RERE: variants seen among roughly 807,000 people sequenced by gnomAD.
RERE encodes the protein arginine-glutamic acid dipeptide repeats.
In RERE, 40 loss-of-function variants were observed where a neutral mutation model predicts 146.1. That is an observed-to-expected ratio of 0.27 (90% CI 0.21 to 0.36). The LOEUF (loss-of-function observed/expected upper bound fraction) is 0.36, where lower values mean the gene tolerates loss of function less well. Among genes scored for constraint, RERE ranks in the 10% least tolerant of loss-of-function variants. The probability of loss-of-function intolerance (pLI) is 1.00; values close to 1 mark genes in which losing one functional copy is unlikely to be tolerated. For missense variants in RERE, 1,933 were observed against 2,138.7 expected (o/e 0.90, Z 1.90); for synonymous variants, 1,003 against 866.0 (o/e 1.16, Z -2.78).
At chr1:8,722,090 G>C (rs1359902156) in intron 1 of RERE, among the ~76,000 whole-genome samples, 1 of 152,124 alleles carries the variant, frequency 6.6e-6, no homozygotes, top group Non-Finnish European at 1.5e-5. Context: ...GCACTCATTG[G>C]AATGCTTACA....
At chr1:8,676,435 G>C (rs2124384915) in intron 1 of RERE, among the ~76,000 whole-genome samples, 1 of 151,858 alleles carries the variant, frequency 6.6e-6, no homozygotes, top group South Asian at 2.1e-4. Context: ...TAAATGGCAA[G>C]CTGAAGGACT....
intron 1 of RERE, among the ~76,000 whole-genome samples, chr1:8,722,281 A>C (rs1247407326): frequency 2.0e-5 from 3 of 152,174 alleles, no homozygotes; most frequent in African/African-American, 7.2e-5. Context: ...TTGGCTATCA[A>C]ACCAATGTTT....
chr1:8,715,370 G>A (rs565097596), intron 1 of RERE, among the ~76,000 whole-genome samples: 2 of 151,798 alleles, frequency 1.3e-5, no homozygotes, highest in Admixed American at 6.6e-5. Flanking sequence ...AATTAGCCAG[G>A]CGTGGTGGCA....
chr1:8,800,914 G>A (rs777685378), intron 1 of RERE, among the ~76,000 whole-genome samples: 5 of 152,028 alleles, frequency 3.3e-5, no homozygotes, highest in Admixed American at 6.6e-5. Flanking sequence ...GCAGTGAGCC[G>A]AGATTGCGCC....
rs772637354 is a variant in RERE, at chr1:8,361,326, C to T, written c.2181G>A (p.Ser727=). Reference sequence around the variant, plus strand: ...CCTGCAGCATCTGCTGCTGGGCTGACGAGTCCGAGTCACTCTCATTGTCCT... The same window carrying T: ...CCTGCAGCATCTGCTGCTGGGCTGATGAGTCCGAGTCACTCTCATTGTCCT... The part of the protein sequence containing the change: ...SPQDNESDSD[S]SAQQQMLQAQ... The change falls in exon 18 of 23, where the codon TCG becomes TCA. Residue 727 remains serine (S), a synonymous_variant. Coordinates refer to ENST00000400908, the MANE Select transcript of RERE (RefSeq NM_001042681.2). 3.3e-5 allele frequency: 54 copies of T among 1,612,218 alleles called. No homozygotes were observed. In the Admixed American group the frequency reaches 3.7e-4, roughly 11 times the overall value.
chr1:8,416,429 A>G (rs1643766696), intron 12 of RERE, among the ~76,000 whole-genome samples: 1 of 152,014 alleles, frequency 6.6e-6, no homozygotes, highest in Admixed American at 6.6e-5. Flanking sequence ...TACTAAAAAC[A>G]CAAAAAATTA....
At chr1:8,573,460 T>A (rs1646248852) in intron 4 of RERE, among the ~76,000 whole-genome samples, 2 of 152,232 alleles carry the variant, frequency 1.3e-5, no homozygotes, top group African/African-American at 4.8e-5. Flanking sequence ...ACTTACATGA[T>A]CCATCCACGC....
At chr1:8,584,308 T>C (rs749116093) in intron 4 of RERE, among the ~76,000 whole-genome samples, 5 of 152,082 alleles carry the variant, frequency 3.3e-5, no homozygotes, top group Non-Finnish European at 7.4e-5. Context: ...GTAATCCCAA[T>C]GCTTTGGGAG....
intron 11 of RERE, among the ~76,000 whole-genome samples, chr1:8,448,756 G>C (rs1644355133): frequency 6.6e-6 from 1 of 152,016 alleles, no homozygotes; most frequent in Non-Finnish European, 1.5e-5. Context: ...TTGAACCCGG[G>C]AGGCGCAGGT....
chr1:8,722,580 A>T (rs148188444), intron 1 of RERE, among the ~76,000 whole-genome samples: 6 of 152,314 alleles, frequency 3.9e-5, no homozygotes, highest in African/African-American at 7.2e-5. Context: ...GTTTCAACCA[A>T]CCACGGACTG....
chr1:8,492,621 C>G (rs1343206860), intron 10 of RERE, among the ~76,000 whole-genome samples: 1 of 152,052 alleles, frequency 6.6e-6, no homozygotes, highest in Non-Finnish European at 1.5e-5. Context: ...AAAAAAAGGC[C>G]AGGTGCAGTG....
intron 4 of RERE, among the ~76,000 whole-genome samples, chr1:8,612,337 A>G (rs1646802552): frequency 6.6e-6 from 1 of 152,170 alleles, no homozygotes. Context: ...AGCTTTGCCA[A>G]CTGGATCTGA....
At chr1:8,421,713 A>G (rs1643912296) in intron 12 of RERE, among the ~76,000 whole-genome samples, 1 of 152,132 alleles carries the variant, frequency 6.6e-6, no homozygotes, top group African/African-American at 2.4e-5. Context: ...ACAACATCCA[A>G]TTAAAAAATT....
At chr1:8,433,905 C>T (rs534200480) in intron 11 of RERE, among the ~76,000 whole-genome samples, 103 of 152,190 alleles carry the variant, frequency 6.8e-4, no homozygotes, top group Non-Finnish European at 1.3e-3. Context: ...AATATGGCAG[C>T]TGTTTAGCTG....
At chr1:8,383,423 G>A (rs181774342) in intron 12 of RERE, among the ~76,000 whole-genome samples, 204 of 152,060 alleles carry the variant, frequency 1.3e-3, no homozygotes, top group Non-Finnish European at 2.6e-3. Flanking sequence ...TTTGTGAGCC[G>A]TCCTTGCACT....
At chr1:8,627,127 G>A (rs528739047) in intron 2 of RERE, among the ~76,000 whole-genome samples, 3 of 152,234 alleles carry the variant, frequency 2.0e-5, no homozygotes, top group African/African-American at 7.2e-5. Flanking sequence ...TCCATATGGA[G>A]TAACTCCTCA....
At chr1:8,464,152 TTTTG>T (rs1369919689) in intron 11 of RERE, among the ~76,000 whole-genome samples, 2 of 152,208 alleles carry the variant, frequency 1.3e-5, no homozygotes, top group Admixed American at 6.5e-5. Context: ...ATTTTTATGG[TTTTG>T]TTTGTTTTAA....
rs1040665768 is a variant in RERE, at chr1:8,697,635, G to A, written c.-144-41194C>T. ...CGATCTCCTGACCTCGTGATCCGCC[G>A]CCTCGGCCTCCCAAAGTGCTGGGAT... On this transcript the variant is annotated intron_variant, in intron 1 of 22. Transcript: ENST00000400908. Among the ~76,000 whole-genome samples, 6 of 152,184 alleles carry A rather than the reference G, an allele frequency of 3.9e-5. 1 individual carries two copies. The highest frequency in any genetic ancestry group is 3.9e-4 in the East Asian group (2 of 5,180).
intron 1 of RERE, among the ~76,000 whole-genome samples, chr1:8,813,915 T>C (rs1641862688): frequency 6.6e-6 from 1 of 152,186 alleles, no homozygotes; most frequent in African/African-American, 2.4e-5. Context: ...GCACTAGGCC[T>C]TACTGTCCTA....
Sources: gnomAD v4.1 joint callset for allele counts (sites outside exome capture counted in the v4.1 genomes callset) on GRCh38, gnomAD v4.1.1 for gene constraint, MANE v1.5 for transcripts, NCBI Gene and HGNC (gene_info 2026-07-23, HGNC 2026-07-21) for gene names.